MYBPC2: variants seen among roughly 807,000 people sequenced by gnomAD.
The protein encoded by MYBPC2 is myosin-binding protein C, fast-type.
In MYBPC2, 122 loss-of-function variants were observed where a neutral mutation model predicts 137.0. The ratio of observed to expected loss-of-function variants is 0.89; its 90% confidence interval spans 0.77 to 1.03. The LOEUF is 1.03. Among genes scored for constraint, MYBPC2 ranks in the 50% least tolerant of loss-of-function variants. The pLI, the probability that MYBPC2 is intolerant of heterozygous loss-of-function variation, is 0.00. For synonymous variants in MYBPC2, 626 were observed against 612.3 expected (o/e 1.02, Z -0.33); for missense variants, 1,500 against 1,534.4 (o/e 0.98, Z 0.37).
Position 50,460,213 on chromosome 19 carries a change from G to C in MYBPC2, c.2931+34G>C, listed in dbSNP as rs377511222. 6 of 1,577,020 alleles carry C rather than the reference G, an allele frequency of 3.8e-6. No homozygotes were observed. The Admixed American group carries it at 5.4e-5, about 14-fold the overall frequency. On this transcript the variant is annotated intron_variant, in intron 24 of 27. Transcript: ENST00000357701. ...GCAGAGGGGGAGATGGGGAAGAGCC[G>C]GTGAGGTGGGCAGAGCAGGTGCAGA...
intron 13 of MYBPC2, among the ~76,000 whole-genome samples, chr19:50,449,612 G>A (rs561374893): frequency 6.6e-6 from 1 of 152,206 alleles, no homozygotes; most frequent in Non-Finnish European, 1.5e-5. Flanking sequence ...ATGGACACCG[G>A]CAGGGAAAAG....
intron 19 of MYBPC2, 67 bp from the exon 20 acceptor site, chr19:50,455,443 C>A (rs371076936): frequency 9.5e-6 from 15 of 1,578,542 alleles, no homozygotes; most frequent in Middle Eastern, 1.7e-4. Context: ...ACCTCTGACT[C>A]CTGCCCCTTC....
At position 50,435,822 on chromosome 19, in the gene MYBPC2, C is replaced by A; in HGVS notation, c.156C>A (p.Gly52=). 6.2e-7 allele frequency: 1 copy of A among 1,610,556 alleles called. No individual in the cohort carries two copies. Among genetic ancestry groups the A allele is most frequent in the Non-Finnish European group, 8.5e-7 (1 of 1,178,416 alleles). Residue 52 remains glycine (G), a synonymous_variant, in exon 3 of 28, where the codon GGC becomes GGA. Transcript: ENST00000357701. The surrounding 1 kb of genome is among the most constrained non-coding windows in gnomAD (Gnocchi z 4.8). ...CCCCGACTGCAGAGGAGCCCACCGG[C>A]GTTTTCCTGAAGAAGCCGGACTCCG... ...DQSPTAEEPT[G]VFLKKPDSVS...
rs148197999 is a variant in MYBPC2 at position 50,463,282 on chromosome 19, C to T, written c.3229-1064C>T. On this transcript the variant is annotated intron_variant, in intron 26 of 27. Coordinates refer to ENST00000357701, the MANE Select transcript of MYBPC2 (RefSeq NM_004533.4). Reference sequence around the variant, plus strand: ...GGCCCAAAAAGCCTGAATTATTTACCATCTGGTCCTTTATAGGAACAGTTT... The same window carrying T: ...GGCCCAAAAAGCCTGAATTATTTACTATCTGGTCCTTTATAGGAACAGTTT... 4.3e-3 allele frequency among the ~76,000 whole-genome samples: 653 copies of T among 152,316 alleles called. 5 individuals carry two copies. The highest frequency in any genetic ancestry group is 0.015 in the African/African-American group (637 of 41,568).
intron 13 of MYBPC2, 66 bp from the exon 14 acceptor site, chr19:50,450,763 G>C: frequency 8.6e-7 from 1 of 1,160,188 alleles, no homozygotes; most frequent in Non-Finnish European, 1.3e-6. Flanking sequence ...TGATTGAGGC[G>C]GTGCAGCCCC....
intron 26 of MYBPC2, 134 bp downstream of exon 26, chr19:50,462,170 A>AT: frequency 7.7e-7 from 1 of 1,300,374 alleles, no homozygotes; most frequent in Non-Finnish European, 1.0e-6. Flanking sequence ...CACTTAAAAA[A>AT]TTTTTTTAAT....
chr19:50,466,263 C>A lies in MYBPC2; in HGVS notation c.*58C>A, dbSNP rs1334869846. On this transcript the variant is annotated 3_prime_UTR_variant, in exon 28 of 28. Transcript: ENST00000357701. The surrounding 1 kb of genome is among the most constrained non-coding windows in gnomAD (Gnocchi z 4.9). ...GTGGAGTCCTGACCCCAATCCCCAA[C>A]CTCCCAGGACTGTGTTCTTTCTGGA... The A allele has an allele frequency of 1.9e-6, 3 of 1,608,898 alleles. No individual in the cohort carries two copies. Among genetic ancestry groups the A allele is most frequent in the East Asian group, 2.2e-5 (1 of 44,818 alleles).
chr19:50,450,852 A>G lies in MYBPC2; in HGVS notation c.1496A>G (p.Asp499Gly). The stretch of plus-strand genomic sequence containing the variant: ...AGGTTCCACAAGCTGGTGATCGATG[A>G]CGTCCGCCCCGAGGATGAGGGAGAC... ...VGRFHKLVID[D>G]VRPEDEGDYT... is the part of the protein sequence containing the mutation. The change falls in exon 14 of 28, where the codon GAC (aspartate) becomes GGC (glycine). Residue 499 changes from aspartate to glycine, a missense_variant. By Grantham distance (94) the Asp-to-Gly change is moderately conservative (BLOSUM62 -1). Coordinates refer to ENST00000357701, the MANE Select transcript of MYBPC2 (RefSeq NM_004533.4). 1 of 1,574,830 alleles carries G rather than the reference A, an allele frequency of 6.3e-7. No individual in the cohort carries two copies. The highest frequency in any genetic ancestry group is 1.2e-5 in the South Asian group (1 of 85,308).
At chr19:50,451,708 G>T (rs1259689835) in intron 15 of MYBPC2, among the ~76,000 whole-genome samples, 156 bp from the exon 16 acceptor site, 1 of 149,840 alleles carries the variant, frequency 6.7e-6, no homozygotes, top group Non-Finnish European at 1.5e-5. Flanking sequence ...GGGGTTGGGG[G>T]CCTGGACTAC....
chr19:50,451,792 G>C lies in MYBPC2; in HGVS notation c.1610-72G>C. On this transcript the variant is annotated intron_variant, in intron 15 of 27. Transcript: ENST00000357701. ...CACTGTTGGAACCCAACTTTTTGGA[G>C]ATTCTCTTGTGGGAACTGGGAAGGC... 1.6e-5 allele frequency: 24 copies of C among 1,542,734 alleles called. No homozygotes were observed. The South Asian group carries it at 2.6e-4, about 17-fold the overall frequency.
In MYBPC2 at chr19:50,437,661, G is replaced by A. The variant is rs1450157937; in HGVS notation, c.515G>A (p.Ser172Asn). The change falls in exon 7 of 28, where the codon AGT (serine) becomes AAT (asparagine). Residue 172 changes from serine (S) to asparagine (N), a missense_variant and splice_region_variant. Physicochemically the swap from Ser to Asn is conservative, Grantham distance 46 (BLOSUM62 1). Coordinates refer to ENST00000357701, the MANE Select transcript of MYBPC2 (RefSeq NM_004533.4). ...GQSLESFKRTSEKKSDTAGEL... is the reference protein window; with the variant it reads ...GQSLESFKRTNEKKSDTAGEL... ...ACATGCCCTCTCAATGGCCACAGGA[G>A]TGAAAAGAAGTCGGATACTGCAGGT... 6.2e-7 allele frequency: 1 copy of A among 1,603,824 alleles called. No homozygotes were observed. Among genetic ancestry groups the A allele is most frequent in the Non-Finnish European group, 8.5e-7 (1 of 1,175,180 alleles).
At position 50,455,661 on chromosome 19, in the gene MYBPC2, G is replaced by A. The variant is rs1423010726; in HGVS notation, c.2338+17G>A. 6.2e-7 allele frequency: 1 copy of A among 1,612,178 alleles called. No individual in the cohort carries two copies. Among genetic ancestry groups the A allele is most frequent in the African/African-American group, 1.3e-5 (1 of 74,914 alleles). On this transcript the variant is annotated intron_variant, in intron 20 of 27. Coordinates refer to ENST00000357701, the MANE Select transcript of MYBPC2 (RefSeq NM_004533.4). ...TGGAAGGCTGTGAGTGACCCTGGCA[G>A]GGCTGGTGGGGGTGGTGGCTAGCAC...
At chr19:50,450,416 C>T (rs2039845161) in intron 13 of MYBPC2, among the ~76,000 whole-genome samples, 2 of 151,890 alleles carry the variant, frequency 1.3e-5, no homozygotes, top group African/African-American at 2.4e-5. Flanking sequence ...CCACCATGCC[C>T]GGCCAAAGAA....
chr19:50,461,450 C>G (rs1050116177), intron 24 of MYBPC2, 92 bp from the exon 25 acceptor site: 24 of 1,350,712 alleles, frequency 1.8e-5, no homozygotes, highest in Non-Finnish European at 2.3e-5. Flanking sequence ...ACTGGATGTG[C>G]TTTTCTCACC....
chr19:50,435,216 T>TC lies in MYBPC2; in HGVS notation c.80dup (p.Lys28Ter). On this transcript the variant is annotated frameshift_variant, in exon 2 of 28. Transcript: ENST00000357701. LOFTEE classifies it high-confidence loss of function. This position sits in a 1 kb window ranked among gnomAD's most constrained non-coding sequence, Gnocchi z 4.8. The stretch of plus-strand genomic sequence containing the variant: ...CCCCCAAAGGAGCCCCCAAGGAGGC[T>TC]CCCCCTAAGGAGGCTCCTGCAGAGG... The TC allele has an allele frequency of 1.5e-6, 2 of 1,336,038 alleles. No homozygotes were observed. The highest frequency in any genetic ancestry group is 2.1e-6 in the Non-Finnish European group (2 of 934,374). The allele number at this position is 1,336,038 out of a possible 1,614,324, so 82.8% of individuals were successfully genotyped here. A position where few individuals can be genotyped will look rare whatever the true frequency, so the allele number is the denominator to read the frequency against.
rs2039803699 is a variant in MYBPC2, at chr19:50,446,122, GC to G, written c.1306+76del. ...CTCCACACAGCTTGAGGTTGCTCAG[GC>G]CCCCCAGTCTGGAAGTTGTTCCTGA... On this transcript the variant is annotated intron_variant, in intron 12 of 27. Transcript: ENST00000357701. The G allele has an allele frequency of 4.0e-6, 6 of 1,513,308 alleles. No homozygotes were observed. The East Asian group carries it at 9.6e-5, about 24-fold the overall frequency. 93.7% of individuals were successfully genotyped at this position (1,513,308 alleles called of 1,614,324 possible). A position where few individuals can be genotyped will look rare whatever the true frequency, so the allele number is the denominator to read the frequency against.
chr19:50,441,776 G>A (rs1022687431), intron 8 of MYBPC2, among the ~76,000 whole-genome samples: 8 of 152,018 alleles, frequency 5.3e-5, no homozygotes, highest in Non-Finnish European at 8.8e-5. Flanking sequence ...GGAGGCAGAG[G>A]TTGTGGTGAG....
In MYBPC2 at chr19:50,448,417, G is replaced by C. The variant is rs372012141; in HGVS notation, c.1472+27G>C. On this transcript the variant is annotated intron_variant, in intron 13 of 27. Coordinates refer to ENST00000357701, the MANE Select transcript of MYBPC2 (RefSeq NM_004533.4). ...TGAGGAGTGGGCTGCAGAAGTGGCT[G>C]GGGGTAGGGTGTGCATAGCAGTTAG... 1.2e-5 allele frequency: 19 copies of C among 1,610,338 alleles called. No individual in the cohort carries two copies. The African/African-American group carries it at 2.3e-4, about 19-fold the overall frequency.
intron 26 of MYBPC2, 142 bp downstream of exon 26, chr19:50,462,178 A>G: frequency 4.7e-6 from 6 of 1,280,128 alleles, no homozygotes; most frequent in Non-Finnish European, 6.2e-6. Context: ...AAATTTTTTT[A>G]ATTGATTTTT....
Sources: gnomAD v4.1 joint callset for allele counts (sites outside exome capture counted in the v4.1 genomes callset) on GRCh38, gnomAD v4.1.1 for gene constraint, Gnocchi (gnomAD v3.1) non-coding constraint, MANE v1.5 for transcripts, NCBI Gene and HGNC (gene_info 2026-07-23, HGNC 2026-07-21) for gene names.